Variants in ZC3HAV1 observed in about 807,000 individuals in gnomAD.
ZC3HAV1 encodes zinc finger CCCH-type antiviral protein 1.
In ZC3HAV1, 41 loss-of-function variants were observed where a neutral mutation model predicts 86.6. The observed-to-expected ratio is 0.47, with a 90% CI of 0.37 to 0.61. The LOEUF is 0.61. ZC3HAV1 is among the 20% of genes least tolerant of loss of function. The pLI is 0.00. For synonymous variants in ZC3HAV1, 421 were observed against 432.1 expected (o/e 0.97, Z 0.32); for missense variants, 964 against 1,141.1 (o/e 0.84, Z 2.24).
At chr7:139,094,242 C>T (rs892818550) in intron 1 of ZC3HAV1, among the ~76,000 whole-genome samples, 6 of 152,022 alleles carry the variant, frequency 3.9e-5, no homozygotes, top group African/African-American at 1.5e-4. Flanking sequence ...CAAGAATTTG[C>T]ATGTCTAACA....
rs1815993321 is a variant in ZC3HAV1, at chr7:139,047,485, T to C, written c.*109A>G. The C allele has an allele frequency of 1.3e-6, 2 of 1,492,812 alleles. No individual in the cohort carries two copies. The highest frequency in any genetic ancestry group is 2.4e-5 in the South Asian group (2 of 81,900). The allele number at this position is 1,492,812 out of a possible 1,614,324, so 92.5% of individuals were successfully genotyped here. ...TTTGGGGACCACTGATCTAAGACAT[T>C]AGATAACTGAGCAGGAAAATATAAA... On this transcript the variant is annotated 3_prime_UTR_variant, in exon 13 of 13. Transcript: ENST00000242351.
At chr7:139,057,684 GCCC>G in intron 9 of ZC3HAV1, among the ~76,000 whole-genome samples, 1 of 78,610 alleles carries the variant, frequency 1.3e-5, no homozygotes, top group Middle Eastern at 5.2e-3. Flanking sequence ...GACTACAGGC[GCCC>G]GCCACCACGC....
Position 139,109,055 on chromosome 7 carries a change from G to T in ZC3HAV1, c.277C>A (p.Leu93Met). ...GACTGCGAATAGTTGCACCGGCCCAGCAAGTTGAGTTTGCAGAGATGCAGG... is the reference window on the plus strand; with the variant it reads ...GACTGCGAATAGTTGCACCGGCCCATCAAGTTGAGTTTGCAGAGATGCAGG... ...DNLHLCKLNL[L>M]GRCNYSQSER... Residue 93 changes from leucine (L) to methionine (M), a missense_variant, in exon 1 of 13, where the codon CTG becomes ATG. Transcript: ENST00000242351. The T allele has an allele frequency of 6.3e-7, 1 of 1,583,538 alleles. No individual in the cohort carries two copies. The highest frequency in any genetic ancestry group is 8.6e-7 in the Non-Finnish European group (1 of 1,161,996).
rs1360509384 is a variant in ZC3HAV1, at chr7:139,069,055, T to A, written c.1873-4056A>T. ...TCTAAGCTACTCTTGTAAGGATAAG[T>A]CCTTTTTGTGGTATCTGAAAGTCAG... is the stretch of plus-strand genomic sequence containing the variant. On this transcript the variant is annotated intron_variant, in intron 7 of 12. Coordinates refer to ENST00000242351, the MANE Select transcript of ZC3HAV1 (RefSeq NM_020119.4). Among the ~76,000 whole-genome samples the A allele has an allele frequency of 4.6e-5, 7 of 152,140 alleles. No homozygotes were observed. In the East Asian group the frequency reaches 1.2e-3, roughly 25 times the overall value.
At chr7:139,103,578 T>C (rs1321537160) in intron 1 of ZC3HAV1, among the ~76,000 whole-genome samples, 1 of 152,228 alleles carries the variant, frequency 6.6e-6, no homozygotes, top group African/African-American at 2.4e-5. Context: ...CGTCAGAATC[T>C]GGAAAAGTTG....
intron 8 of ZC3HAV1, among the ~76,000 whole-genome samples, chr7:139,064,419 C>T (rs1009660273): frequency 1.3e-5 from 2 of 152,180 alleles, no homozygotes; most frequent in Non-Finnish European, 2.9e-5. Flanking sequence ...GTACTTTAAT[C>T]AATGTGATGA....
intron 3 of ZC3HAV1, among the ~76,000 whole-genome samples, chr7:139,083,198 G>A (rs989316154): frequency 1.4e-5 from 2 of 143,688 alleles, no homozygotes; most frequent in African/African-American, 5.0e-5. Context: ...TTAAAAAAAA[G>A]CTTTGTTAAT....
rs572687986 is a variant in ZC3HAV1, at chr7:139,060,862, A to G, written c.2096+174T>C. 2.3e-4 allele frequency: 347 copies of G among 1,526,664 alleles called. 4 individuals are homozygous for G. The South Asian group carries it at 3.5e-3, about 15-fold the overall frequency. The allele number at this position is 1,526,664 out of a possible 1,614,324, so 94.6% of individuals were successfully genotyped here. ...TTTCCGATCTAGTATCCTTTCAGTCACACCATGCTGCTTAACAAGCATCTT... is the reference window on the plus strand; with the variant it reads ...TTTCCGATCTAGTATCCTTTCAGTCGCACCATGCTGCTTAACAAGCATCTT... On this transcript the variant is annotated intron_variant, in intron 9 of 12. Coordinates refer to ENST00000242351, the MANE Select transcript of ZC3HAV1 (RefSeq NM_020119.4).
chr7:139,057,880 C>A (rs1354678591), intron 9 of ZC3HAV1, among the ~76,000 whole-genome samples: 2 of 152,136 alleles, frequency 1.3e-5, no homozygotes, highest in African/African-American at 4.8e-5. Context: ...AAGGAAAAAA[C>A]TCTTTAAAGA....
At chr7:139,074,828 A>G (rs1816887107) in intron 6 of ZC3HAV1, among the ~76,000 whole-genome samples, 1 of 152,160 alleles carries the variant, frequency 6.6e-6, no homozygotes, top group Non-Finnish European at 1.5e-5. Context: ...AATCAAATAT[A>G]TAATTGTTCT....
intron 1 of ZC3HAV1, among the ~76,000 whole-genome samples, chr7:139,097,428 A>ATTTTTTTTTTTTTTTTTTT (rs11291842): frequency 1.0e-4 from 5 of 48,158 alleles, no homozygotes; most frequent in Admixed American, 3.0e-4. Context: ...ATATATATAT[A>ATTTTTTTTTTTTTTTTTTT]TTTTTTTTTT....
intron 1 of ZC3HAV1, among the ~76,000 whole-genome samples, chr7:139,098,406 A>T (rs951260316): frequency 6.6e-6 from 1 of 152,240 alleles, no homozygotes; most frequent in East Asian, 1.9e-4. Flanking sequence ...TGCTCAAAAC[A>T]TTCTCTGCTG....
chr7:139,072,435 C>A (rs6972275), intron 7 of ZC3HAV1, among the ~76,000 whole-genome samples: 15 of 149,068 alleles, frequency 1.0e-4, no homozygotes, highest in African/African-American at 3.6e-4. Flanking sequence ...ATCCACCCCA[C>A]CTCGGCCTCC....
intron 4 of ZC3HAV1, chr7:139,079,165 G>A (rs1429997069): frequency 6.5e-7 from 1 of 1,536,210 alleles, no homozygotes; most frequent in South Asian, 1.2e-5. Flanking sequence ...GAACCTGGGT[G>A]CAGTTCTGCC....
chr7:139,100,533 C>CAA (rs774352815), intron 1 of ZC3HAV1, among the ~76,000 whole-genome samples: 2 of 144,298 alleles, frequency 1.4e-5, no homozygotes, highest in African/African-American at 5.1e-5. Context: ...GGCTCTGTCT[C>CAA]AAAAAAAAAC....
At chr7:139,072,937 C>T (rs1308945289) in intron 7 of ZC3HAV1, among the ~76,000 whole-genome samples, 1 of 152,088 alleles carries the variant, frequency 6.6e-6, no homozygotes, top group Non-Finnish European at 1.5e-5. Context: ...AAGGTTCCAC[C>T]CTCCCCTCTC....
intron 1 of ZC3HAV1, among the ~76,000 whole-genome samples, chr7:139,100,792 T>A (rs56348133): frequency 1.4e-5 from 2 of 139,830 alleles, no homozygotes; most frequent in South Asian, 4.5e-4. Context: ...TCTCCCTCTC[T>A]TTCCACGGTC....
intron 1 of ZC3HAV1, among the ~76,000 whole-genome samples, chr7:139,092,306 T>C (rs1584867961): frequency 6.6e-6 from 1 of 152,140 alleles, no homozygotes; most frequent in African/African-American, 2.4e-5. Context: ...AGAGCCAAGA[T>C]GGAGTCTGTC....
intron 8 of ZC3HAV1, among the ~76,000 whole-genome samples, chr7:139,061,591 AAAGT>A (rs1816445131): frequency 6.6e-6 from 1 of 152,158 alleles, no homozygotes; most frequent in African/African-American, 2.4e-5. Flanking sequence ...AACCCTTCAG[AAAGT>A]AAGTCATAAT....
Sources: allele counts gnomAD v4.1 joint callset (sites outside exome capture counted in the v4.1 genomes callset), GRCh38; gene constraint gnomAD v4.1.1; transcripts MANE v1.5; gene names NCBI Gene and HGNC (gene_info 2026-07-23, HGNC 2026-07-21).